Variants in TGIF1 observed in about 807,000 individuals in gnomAD.
The protein encoded by TGIF1 is homeobox protein TGIF1.
Under a neutral mutation model 19.3 loss-of-function variants are expected in TGIF1, and 4 were observed. That is an observed-to-expected ratio of 0.21 (90% confidence interval 0.10 to 0.47). The LOEUF (loss-of-function observed/expected upper bound fraction) is 0.47, where lower values mean the gene tolerates loss of function less well. TGIF1 is among the 20% of genes least tolerant of loss of function. The pLI is 0.98. For missense variants in TGIF1, 275 were observed against 341.4 expected (o/e 0.81, Z 1.53); for synonymous variants, 122 against 129.3 (o/e 0.94, Z 0.38).
rs1183176547 is a variant in TGIF1, at chr18:3,427,686, A to G, written c.-45+9471A>G. Among the ~76,000 whole-genome samples, 5 of 144,386 alleles carry G rather than the reference A, an allele frequency of 3.5e-5. No homozygotes were observed. In the South Asian group the frequency reaches 1.1e-3, roughly 32 times the overall value. The allele number at this position is 144,386 out of a possible 152,430, so 94.7% of individuals were successfully genotyped here. ...GGGCTCTCAGTTTACTGCAACCTCCACCTCCCGGGTTCAAGCAATTCTCCT... is the reference window on the plus strand; with the variant it reads ...GGGCTCTCAGTTTACTGCAACCTCCGCCTCCCGGGTTCAAGCAATTCTCCT... On this transcript the variant is annotated intron_variant, in intron 2 of 3. Transcript: ENST00000401449.
At chr18:3,435,445 G>A (rs1395296093) in intron 2 of TGIF1, among the ~76,000 whole-genome samples, 5 of 152,130 alleles carry the variant, frequency 3.3e-5, no homozygotes, top group Non-Finnish European at 7.4e-5. Flanking sequence ...CAATCCGCCT[G>A]CCTCGGCCTC....
At position 3,456,520 on chromosome 18, in the gene TGIF1, C is replaced by T; in HGVS notation, c.183C>T (p.Ala61=). 6.2e-7 allele frequency: 1 copy of T among 1,614,240 alleles called. No individual in the cohort carries two copies. Among genetic ancestry groups the T allele is most frequent in the Non-Finnish European group, 8.5e-7 (1 of 1,180,042 alleles). Reference sequence around the variant, plus strand: ...GGCTGTATGAGCACCGTTACAATGCCTATCCTTCAGAGCAAGAAAAAGCGT... The same window carrying T: ...GGCTGTATGAGCACCGTTACAATGCTTATCCTTCAGAGCAAGAAAAAGCGT... ...RDWLYEHRYN[A]YPSEQEKALL... is the part of the protein sequence containing the mutation. Residue 61 remains alanine, a synonymous_variant, in exon 2 of 3, where the codon GCC becomes GCT. Transcript: ENST00000343820. This position sits in a 1 kb window ranked among gnomAD's most constrained non-coding sequence, Gnocchi z 4.2.
In TGIF1 at chr18:3,456,907, C is replaced by G. The variant is rs139047014; in HGVS notation, c.243+327C>G. On this transcript the variant is annotated intron_variant, in intron 2 of 2. Coordinates refer to ENST00000343820, the MANE Select transcript of TGIF1 (RefSeq NM_003244.4). The surrounding 1 kb of genome is among the most constrained non-coding windows in gnomAD (Gnocchi z 4.2). The stretch of plus-strand genomic sequence containing the variant: ...CAAGGACGACTTCAGTGAGGTAATT[C>G]ATGTTATGTCTGTTGACACAGTCAT... 1.3e-3 allele frequency: 766 copies of G among 598,384 alleles called. 11 individuals carry two copies. The East Asian group carries it at 0.019, about 15-fold the overall frequency. The allele number at this position is 598,384 out of a possible 1,614,324, so 37.1% of individuals were successfully genotyped here.
At chr18:3,433,230 C>T (rs747724981) in intron 2 of TGIF1, among the ~76,000 whole-genome samples, 7 of 151,616 alleles carry the variant, frequency 4.6e-5, no homozygotes, top group South Asian at 4.2e-4. Flanking sequence ...CATGCCACCA[C>T]GCTGGGCTGA....
intron 1 of TGIF1, chr18:3,415,640 T>G (rs1301961608): frequency 9.9e-6 from 2 of 202,982 alleles, no homozygotes; most frequent in Non-Finnish European, 2.2e-5. Flanking sequence ...AGAAGTGACT[T>G]TGGTTACATA....
chr18:3,448,387 C>T, upstream of TGIF1: 1 of 1,008,502 alleles, frequency 9.9e-7, no homozygotes, highest in Non-Finnish European at 1.2e-6. Context: ...GGGGCGCTGG[C>T]CCCCTCCCTG....
rs11571513 is a variant in TGIF1, at chr18:3,458,163, G to A, written c.*223G>A. 2,217 of 529,600 alleles carry A rather than the reference G, an allele frequency of 4.2e-3. 14 individuals are homozygous for A. Among genetic ancestry groups the A allele is most frequent in the South Asian group, 8.0e-3 (326 of 40,590 alleles). 32.8% of individuals were successfully genotyped at this position (529,600 alleles called of 1,614,324 possible). On this transcript the variant is annotated 3_prime_UTR_variant, in exon 3 of 3. Coordinates refer to ENST00000343820, the MANE Select transcript of TGIF1 (RefSeq NM_003244.4). ...GGTTTTCTTTTTTAAATGTTTCTTG[G>A]TAGATTATTCATAATGTGAGATGGT...
intron 2 of TGIF1, among the ~76,000 whole-genome samples, chr18:3,434,557 TA>T (rs1259117756): frequency 1.4e-5 from 2 of 140,198 alleles, no homozygotes; most frequent in Non-Finnish European, 3.1e-5. Context: ...AATAAAAAAA[TA>T]AAAAAAATTA....
chr18:3,448,558 C>T (rs1369405411), upstream of TGIF1: 3 of 985,646 alleles, frequency 3.0e-6, no homozygotes, highest in Non-Finnish European at 3.6e-6. Flanking sequence ...TCTCTTCTGT[C>T]CCGAGCAGTC....
intron 2 of TGIF1, among the ~76,000 whole-genome samples, chr18:3,436,561 G>A (rs1488585499): frequency 6.6e-6 from 1 of 152,242 alleles, no homozygotes; most frequent in Non-Finnish European, 1.5e-5. Flanking sequence ...GCTCATGCCT[G>A]TAATTCCAGC....
chr18:3,447,760 T>C (rs1452907012), upstream of TGIF1: 5 of 1,614,086 alleles, frequency 3.1e-6, no homozygotes, highest in Non-Finnish European at 4.2e-6. Context: ...CGGGCAAAAG[T>C]TGTGCATTGG....
In TGIF1 at chr18:3,415,288, A is replaced by G. The variant is rs2082317884; in HGVS notation, c.-117-2855A>G. On this transcript the variant is annotated intron_variant, in intron 1 of 3. Transcript: ENST00000401449. ...GCCAGCTTACCAAAACCAGAGGCAG[A>G]AAGCTGAGGGTTCGGTGTCCACACA... 3 of 269,336 alleles carry G rather than the reference A, an allele frequency of 1.1e-5. No homozygotes were observed. In the South Asian group the frequency reaches 1.1e-4, roughly 10 times the overall value. 16.7% of individuals were successfully genotyped at this position (269,336 alleles called of 1,614,324 possible).
intron 2 of TGIF1, among the ~76,000 whole-genome samples, chr18:3,435,626 G>C (rs2082605103): frequency 6.6e-6 from 1 of 152,150 alleles, no homozygotes; most frequent in Non-Finnish European, 1.5e-5. Flanking sequence ...TCTCAATCTA[G>C]TAACTTGACC....
upstream of TGIF1, chr18:3,447,933 G>A (rs1270127642): frequency 7.5e-5 from 109 of 1,449,754 alleles, no homozygotes; most frequent in Non-Finnish European, 9.6e-5. Context: ...CATCTCGGTT[G>A]CCTGAGAATC....
chr18:3,422,135 A>G (rs2082406784), intron 2 of TGIF1, among the ~76,000 whole-genome samples: 1 of 149,430 alleles, frequency 6.7e-6, no homozygotes, highest in South Asian at 2.2e-4. Flanking sequence ...CGGAGATTGC[A>G]GTGAGCAGAG....
At chr18:3,447,246 C>A (rs2082759887), upstream of TGIF1, among the ~76,000 whole-genome samples, 1 of 151,624 alleles carries the variant, frequency 6.6e-6, no homozygotes, top group Non-Finnish European at 1.5e-5. Flanking sequence ...CAGCACCAAG[C>A]AACGCCTCAA....
At chr18:3,440,757 C>G (rs1023438861) in intron 2 of TGIF1, among the ~76,000 whole-genome samples, 1 of 152,188 alleles carries the variant, frequency 6.6e-6, no homozygotes, top group Admixed American at 6.5e-5. Flanking sequence ...TCCATAGTTA[C>G]AATGGACTAT....
upstream of TGIF1, chr18:3,447,609 C>G (rs551256448): frequency 2.9e-6 from 3 of 1,020,858 alleles, no homozygotes; most frequent in South Asian, 3.9e-5. Flanking sequence ...AGTTTGAGAT[C>G]AGCGTTGGCT....
At chr18:3,448,205 G>C, upstream of TGIF1, 1 of 985,184 alleles carries the variant, frequency 1.0e-6, no homozygotes, top group Non-Finnish European at 1.2e-6. Context: ...GGTTCCAGAC[G>C]AGGCTCCTGC....
Sources: allele counts gnomAD v4.1 joint callset (sites outside exome capture counted in the v4.1 genomes callset), GRCh38; gene constraint gnomAD v4.1.1; non-coding constraint Gnocchi (gnomAD v3.1); transcripts MANE v1.5; gene names NCBI Gene and HGNC (gene_info 2026-07-23, HGNC 2026-07-21).